Variants in RIPOR3 observed in about 807,000 individuals in gnomAD.
RIPOR3 encodes RIPOR family member 3.
In RIPOR3, 95 loss-of-function variants were observed where a neutral mutation model predicts 114.3. The observed-to-expected ratio is 0.83, with a 90% confidence interval of 0.70 to 0.99. The LOEUF (loss-of-function observed/expected upper bound fraction) is 0.99. Ranked by LOEUF, RIPOR3 falls within the 50% of genes least tolerant of loss-of-function variation. The probability of loss-of-function intolerance (pLI) is 0.00; values close to 1 mark genes in which losing one functional copy is unlikely to be tolerated. For synonymous variants in RIPOR3, 575 were observed against 543.8 expected (o/e 1.06, Z -0.80); for missense variants, 1,252 against 1,266.9 (o/e 0.99, Z 0.18).
chr20:50,614,370 C>T (rs945850349), intron 4 of RIPOR3, among the ~76,000 whole-genome samples: 8 of 152,168 alleles, frequency 5.3e-5, no homozygotes, highest in Non-Finnish European at 8.8e-5. Flanking sequence ...ACTCATCTCC[C>T]CTCCTCGCTT....
intron 4 of RIPOR3, among the ~76,000 whole-genome samples, chr20:50,611,559 C>T (rs1031276507): frequency 3.3e-5 from 5 of 152,104 alleles, no homozygotes; most frequent in African/African-American, 9.7e-5. Flanking sequence ...CACAGTAGGC[C>T]CTTGACAAAA....
chr20:50,664,587 C>T (rs1205492819), intron 1 of RIPOR3, among the ~76,000 whole-genome samples: 2 of 152,280 alleles, frequency 1.3e-5, no homozygotes, highest in South Asian at 2.1e-4. Context: ...CCTGAGTTCC[C>T]GTGTGACATT....
intron 1 of RIPOR3, among the ~76,000 whole-genome samples, chr20:50,677,507 G>A (rs538874583): frequency 9.9e-4 from 150 of 150,926 alleles, no homozygotes; most frequent in Middle Eastern, 3.4e-3. Context: ...GAGTAGCTGG[G>A]ATGACAGACA....
chr20:50,628,805 G>A (rs891282662), intron 2 of RIPOR3, among the ~76,000 whole-genome samples: 8 of 152,216 alleles, frequency 5.3e-5, no homozygotes, highest in South Asian at 4.1e-4. Context: ...TTCCAGCTGG[G>A]ACACTCCAGG....
chr20:50,639,450 A>AC (rs1183381706), intron 1 of RIPOR3, among the ~76,000 whole-genome samples: 2 of 151,462 alleles, frequency 1.3e-5, no homozygotes, highest in Non-Finnish European at 2.9e-5. Flanking sequence ...CCTCTCACTC[A>AC]CCCCCACAGC....
In RIPOR3 at chr20:50,596,274, T is replaced by C. The variant is rs2083286633; in HGVS notation, c.1791-11A>G. 10 of 1,613,960 alleles carry C rather than the reference T, an allele frequency of 6.2e-6. No homozygotes were observed. The highest frequency in any genetic ancestry group is 7.6e-6 in the Non-Finnish European group (9 of 1,179,982). On this transcript the variant is annotated splice_polypyrimidine_tract_variant and intron_variant, in intron 14 of 21. Coordinates refer to ENST00000327979, the MANE Select transcript of RIPOR3 (RefSeq NM_001290268.2). ...AGGGGCCGGTCCTTTCTGAGTTGAA[T>C]TGAGAACTGGGTGACCATTCCAGTT...
intron 13 of RIPOR3, among the ~76,000 whole-genome samples, 158 bp from the exon 14 acceptor site, chr20:50,597,868 G>A (rs891119055): frequency 2.0e-5 from 3 of 152,230 alleles, no homozygotes; most frequent in African/African-American, 4.8e-5. Flanking sequence ...CTGGCCCAAG[G>A]CGTGGCACTG....
chr20:50,647,127 T>C (rs2085427021), intron 1 of RIPOR3, among the ~76,000 whole-genome samples: 1 of 152,112 alleles, frequency 6.6e-6, no homozygotes, highest in Non-Finnish European at 1.5e-5. Flanking sequence ...CAAGACCAGC[T>C]TGGCCAACAT....
At position 50,663,094 on chromosome 20, in the gene RIPOR3, CAAAAAAAAAAAA is replaced by C. The variant is rs35856275; in HGVS notation, c.3+28020_3+28031del. ...CCCGGGTGACAGAGAGAGACTGTCT[CAAAAAAAAAAAA>C]AAAAAAAAAAGTTTTCAAACTGCTG... On this transcript the variant is annotated intron_variant, in intron 1 of 21. Coordinates refer to ENST00000327979, the MANE Select transcript of RIPOR3 (RefSeq NM_001290268.2). 5.8e-5 allele frequency among the ~76,000 whole-genome samples: 4 copies of C among 69,346 alleles called. No homozygotes were observed. In the South Asian group the frequency reaches 1.4e-3, roughly 25 times the overall value. The allele number at this position is 69,346 out of a possible 152,430, so 45.5% of individuals were successfully genotyped here. A position where few individuals can be genotyped will look rare whatever the true frequency, so the allele number is the denominator to read the frequency against.
At chr20:50,621,855 A>G (rs2084419206) in intron 2 of RIPOR3, among the ~76,000 whole-genome samples, 1 of 152,142 alleles carries the variant, frequency 6.6e-6, no homozygotes, top group South Asian at 2.1e-4. Flanking sequence ...GATCCTAAAA[A>G]CTGCCTTTCA....
At chr20:50,625,384 G>T in intron 2 of RIPOR3, among the ~76,000 whole-genome samples, 1 of 152,142 alleles carries the variant, frequency 6.6e-6, no homozygotes, top group East Asian at 1.9e-4. Flanking sequence ...CCTGCTCTTG[G>T]TGCTTTACAT....
chr20:50,681,285 A>AC (rs1568967930), intron 1 of RIPOR3, among the ~76,000 whole-genome samples: 2 of 151,356 alleles, frequency 1.3e-5, no homozygotes, highest in Non-Finnish European at 2.9e-5. Flanking sequence ...GAAAAAAAAA[A>AC]ACATATAATG....
intron 1 of RIPOR3, among the ~76,000 whole-genome samples, chr20:50,650,740 T>C (rs2085572623): frequency 6.6e-6 from 1 of 152,152 alleles, no homozygotes; most frequent in Admixed American, 6.6e-5. Flanking sequence ...ATTGCTATTG[T>C]TATTATCAGC....
At chr20:50,596,302 CA>C (rs1568825375) in intron 14 of RIPOR3, 39 bp from the exon 15 acceptor site, 1 of 1,612,454 alleles carries the variant, frequency 6.2e-7, no homozygotes, top group Non-Finnish European at 8.5e-7. Flanking sequence ...TTCCAGTTAG[CA>C]GTTCAGCTCC....
chr20:50,680,314 TCCA>T (rs946139550), intron 1 of RIPOR3, among the ~76,000 whole-genome samples: 1 of 152,192 alleles, frequency 6.6e-6, no homozygotes, highest in African/African-American at 2.4e-5. Context: ...AACTAAATGA[TCCA>T]CAGGACCCCT....
Position 50,587,112 on chromosome 20 carries a change from T to C in RIPOR3, c.*120A>G. On this transcript the variant is annotated 3_prime_UTR_variant, in exon 22 of 22. Transcript: ENST00000327979. ...CAATGGCCGGAGTCTCAGGTAGAGC[T>C]CTGGGCAGCTCACACTCCTGGAGGA... is the stretch of plus-strand genomic sequence containing the variant. 2 of 753,174 alleles carry C rather than the reference T, an allele frequency of 2.7e-6. No individual in the cohort carries two copies. Among genetic ancestry groups the C allele is most frequent in the Non-Finnish European group, 2.3e-6 (1 of 440,436 alleles). 46.7% of individuals were successfully genotyped at this position (753,174 alleles called of 1,614,324 possible).
intron 1 of RIPOR3, among the ~76,000 whole-genome samples, chr20:50,646,598 G>A (rs1317498774): frequency 1.3e-5 from 2 of 152,174 alleles, no homozygotes; most frequent in East Asian, 1.9e-4. Context: ...GGTCTCCCCA[G>A]GTATTGCAAC....
intron 14 of RIPOR3, among the ~76,000 whole-genome samples, chr20:50,596,573 G>A (rs2083298731): frequency 6.6e-6 from 1 of 152,180 alleles, no homozygotes; most frequent in African/African-American, 2.4e-5. Context: ...CCAAGGCTCA[G>A]GTGACTCATC....
intron 1 of RIPOR3, among the ~76,000 whole-genome samples, chr20:50,685,352 G>A (rs994507490): frequency 2.0e-5 from 3 of 151,246 alleles, no homozygotes; most frequent in African/African-American, 7.3e-5. Flanking sequence ...GAGTAACTGA[G>A]ATTACAGGAG....
Sources: allele counts gnomAD v4.1 joint callset (sites outside exome capture counted in the v4.1 genomes callset), GRCh38; gene constraint gnomAD v4.1.1; transcripts MANE v1.5; gene names NCBI Gene and HGNC (gene_info 2026-07-23, HGNC 2026-07-21).